Variants in GATAD1 observed in about 807,000 individuals in gnomAD.
GATAD1 encodes GATA zinc finger domain containing 1, also known as GATA zinc finger domain-containing protein 1.
GATAD1 carries 12 observed loss-of-function variants against 26.5 expected under a neutral mutation model. That is an observed-to-expected ratio of 0.45 (90% confidence interval 0.29 to 0.73). The LOEUF is 0.73. GATAD1 is among the 30% of genes least tolerant of loss of function. The pLI is 0.10. For missense variants in GATAD1, 266 were observed against 342.1 expected (o/e 0.78, Z 1.75); for synonymous variants, 129 against 133.1 (o/e 0.97, Z 0.21).
intron 3 of GATAD1, among the ~76,000 whole-genome samples, chr7:92,451,446 T>C (rs759446658): frequency 6.6e-6 from 1 of 152,202 alleles, no homozygotes; most frequent in Non-Finnish European, 1.5e-5. Context: ...CATTGAAGGC[T>C]ATTTGGTGTT....
At chr7:92,493,507 C>A in the GATAD1 span, 1 of 159,294 alleles carries the variant, frequency 6.3e-6, no homozygotes, top group Non-Finnish European at 1.4e-5. Context: ...GGCATGGTAG[C>A]GTGTGCCTGT....
the GATAD1 span, chr7:92,489,326 A>G: frequency 1.2e-6 from 2 of 1,613,548 alleles, no homozygotes; most frequent in South Asian, 2.2e-5. Flanking sequence ...ATCTTCACTA[A>G]TGGATGGTCT....
chr7:92,493,264 C>A, the GATAD1 span: 1 of 536,968 alleles, frequency 1.9e-6, no homozygotes, highest in Non-Finnish European at 3.2e-6. Flanking sequence ...GAGAAATGTA[C>A]CAACAGCCTA....
downstream of GATAD1, among the ~76,000 whole-genome samples, chr7:92,463,688 C>A (rs1036368464): frequency 7.0e-6 from 1 of 143,604 alleles, no homozygotes. Flanking sequence ...AAGGTTGATA[C>A]CTGGGTGCGG....
chr7:92,455,511 C>T (rs1348877185), intron 4 of GATAD1, among the ~76,000 whole-genome samples: 1 of 152,124 alleles, frequency 6.6e-6, no homozygotes, highest in Admixed American at 6.5e-5. Context: ...AGCTGCTGTG[C>T]TTTTGTTAAT....
the GATAD1 span, chr7:92,486,971 T>A: frequency 6.6e-6 from 1 of 152,566 alleles, no homozygotes; most frequent in Non-Finnish European, 1.5e-5. Flanking sequence ...TTAAATGTAT[T>A]TGAATTATGT....
chr7:92,475,838 T>C, the GATAD1 span, among the ~76,000 whole-genome samples: 1 of 152,202 alleles, frequency 6.6e-6, no homozygotes, highest in Non-Finnish European at 1.5e-5. Context: ...CAAGTTCTTA[T>C]GCAAATGCAT....
At chr7:92,489,772 CT>C in the GATAD1 span, 1 of 1,613,992 alleles carries the variant, frequency 6.2e-7, no homozygotes, top group South Asian at 1.1e-5. Flanking sequence ...CAGTTGATCT[CT>C]TTGTTCTTGT....
chr7:92,447,608 C>G lies in GATAD1; in HGVS notation c.-122C>G, dbSNP rs2115834530. ...GGCCTGGTCCTTTCACCGGCAGCTC[C>G]GTGCCGACGCTCTCACCGCTCTTCC... On this transcript the variant is annotated 5_prime_UTR_variant, in exon 1 of 5. Transcript: ENST00000287957. 9 of 1,268,748 alleles carry G rather than the reference C, an allele frequency of 7.1e-6. No individual in the cohort carries two copies. Among genetic ancestry groups the G allele is most frequent in the Non-Finnish European group, 8.1e-6 (8 of 993,504 alleles). 78.6% of individuals were successfully genotyped at this position (1,268,748 alleles called of 1,614,324 possible).
the GATAD1 span, among the ~76,000 whole-genome samples, chr7:92,480,984 T>G: frequency 6.6e-6 from 1 of 152,198 alleles, no homozygotes; most frequent in Admixed American, 6.5e-5. Flanking sequence ...GTATAAATAT[T>G]GACGTGTAGT....
chr7:92,470,438 A>C, the GATAD1 span: 1 of 629,782 alleles, frequency 1.6e-6, no homozygotes, highest in East Asian at 2.7e-5. Context: ...AGCAGGCGCA[A>C]ATCCTCTAGA....
At chr7:92,482,690 C>T in the GATAD1 span, among the ~76,000 whole-genome samples, 16 of 151,990 alleles carry the variant, frequency 1.1e-4, no homozygotes, top group East Asian at 1.5e-3. Context: ...GGAAGAAGGG[C>T]GGCAAGGAGA....
At position 92,458,828 on chromosome 7, in the gene GATAD1, C is replaced by T. The variant is rs77607170; in HGVS notation, c.*2266C>T. 5.0e-4 allele frequency: 76 copies of T among 152,284 alleles called. No individual in the cohort carries two copies. The highest frequency in any genetic ancestry group is 1.8e-3 in the African/African-American group (74 of 41,560). The allele number at this position is 152,284 out of a possible 1,614,324, so 9.4% of individuals were successfully genotyped here. ...AACTTTTGGATTAAAATGTATTTTT[C>T]ACCGTGCATTTACTTTGGATGTATT... On this transcript the variant is annotated 3_prime_UTR_variant, in exon 5 of 5. Coordinates refer to ENST00000287957, the MANE Select transcript of GATAD1 (RefSeq NM_021167.5).
chr7:92,475,170 T>C, the GATAD1 span: 1 of 152,190 alleles, frequency 6.6e-6, no homozygotes, highest in Non-Finnish European at 1.5e-5. Flanking sequence ...TTATAATTTA[T>C]ACTTCCCTCA....
chr7:92,463,662 C>CA (rs34356967), downstream of GATAD1, among the ~76,000 whole-genome samples: 8,816 of 72,508 alleles, frequency 0.12, 395 homozygotes, highest in Middle Eastern at 0.16. Context: ...GATTCCGTCT[C>CA]AAAAAAAAAA....
At chr7:92,469,172 A>C in the GATAD1 span, 1 of 713,440 alleles carries the variant, frequency 1.4e-6, no homozygotes, top group Non-Finnish European at 2.6e-6. Context: ...TAATAACAGC[A>C]TTCTTCCCCT....
the GATAD1 span, among the ~76,000 whole-genome samples, chr7:92,492,611 A>AT: frequency 6.6e-6 from 1 of 152,206 alleles, no homozygotes; most frequent in African/African-American, 2.4e-5. Context: ...TTAACTGATT[A>AT]TTTTTTAAAA....
chr7:92,494,020 ATG>A, the GATAD1 span: 2 of 385,280 alleles, frequency 5.2e-6, no homozygotes, highest in East Asian at 1.1e-4. Context: ...ACAGAAGATA[ATG>A]TGAAAATATA....
Position 92,459,326 on chromosome 7 carries a change from T to TAAA in GATAD1, c.*2764_*2765insAAA, listed in dbSNP as rs1789828731. 1 of 152,104 alleles carries TAAA rather than the reference T, an allele frequency of 6.6e-6. No homozygotes were observed. The highest frequency in any genetic ancestry group is 2.4e-5 in the African/African-American group (1 of 41,424). 9.4% of individuals were successfully genotyped at this position (152,104 alleles called of 1,614,324 possible). A position where few individuals can be genotyped will look rare whatever the true frequency, so the allele number is the denominator to read the frequency against. On this transcript the variant is annotated 3_prime_UTR_variant, in exon 5 of 5. Transcript: ENST00000287957. The stretch of plus-strand genomic sequence containing the variant: ...AATAAAATGAACACAATGTAAAACA[T>TAAA]TTATTAAAATGTAGACTTTTAAAAA...
Sources: allele counts gnomAD v4.1 joint callset (sites outside exome capture counted in the v4.1 genomes callset), GRCh38; gene constraint gnomAD v4.1.1; transcripts MANE v1.5; gene names NCBI Gene and HGNC (gene_info 2026-07-23, HGNC 2026-07-21).